ADGRL2: variants seen among roughly 807,000 people sequenced by gnomAD.
The protein encoded by ADGRL2 is adhesion G protein-coupled receptor L2, also known as calcium-independent alpha-latrotoxin receptor 2.
A neutral mutation model predicts 157.4 loss-of-function variants in ADGRL2; 44 were observed. The ratio of observed to expected loss-of-function variants is 0.28; its 90% confidence interval spans 0.22 to 0.36. The LOEUF is 0.36. Ranked by LOEUF, ADGRL2 falls within the 10% of genes least tolerant of loss-of-function variation. The probability of loss-of-function intolerance (pLI) is 1.00; values close to 1 mark genes in which losing one functional copy is unlikely to be tolerated. For missense variants in ADGRL2, 1,510 were observed against 1,768.9 expected (o/e 0.85, Z 2.63); for synonymous variants, 585 against 624.7 (o/e 0.94, Z 0.95).
chr1:81,941,285 C>G (rs944815467), intron 4 of ADGRL2, among the ~76,000 whole-genome samples: 2 of 151,254 alleles, frequency 1.3e-5, no homozygotes, highest in South Asian at 4.1e-4. Flanking sequence ...AGTAAATATA[C>G]TAATTCTTAG....
At chr1:81,892,043 C>T (rs890720190) in intron 2 of ADGRL2, among the ~76,000 whole-genome samples, 1 of 151,176 alleles carries the variant, frequency 6.6e-6, no homozygotes, top group Non-Finnish European at 1.5e-5. Flanking sequence ...ATTTCAGTTT[C>T]TATTAGAGTA....
chr1:81,802,411 C>G (rs1571295615), intron 1 of ADGRL2, among the ~76,000 whole-genome samples: 2 of 152,114 alleles, frequency 1.3e-5, no homozygotes, highest in Middle Eastern at 3.4e-3. Flanking sequence ...CTCGCTCCCT[C>G]CCCCCAATCT....
chr1:81,316,704 G>T (rs1178085680), intron 1 of ADGRL2, among the ~76,000 whole-genome samples: 2 of 152,152 alleles, frequency 1.3e-5, no homozygotes, highest in Non-Finnish European at 2.9e-5. Context: ...ACAAGATATA[G>T]AAATGAAAGC....
At chr1:81,326,694 A>G (rs1445194558) in intron 1 of ADGRL2, among the ~76,000 whole-genome samples, 3 of 152,206 alleles carry the variant, frequency 2.0e-5, no homozygotes, top group Non-Finnish European at 4.4e-5. Flanking sequence ...GAAGTGACTC[A>G]GGGCTGTTAT....
chr1:81,497,506 A>G (rs915243526), intron 2 of ADGRL2, among the ~76,000 whole-genome samples: 8 of 152,216 alleles, frequency 5.3e-5, no homozygotes, highest in African/African-American at 1.9e-4. Context: ...CTTATAGAAC[A>G]AAAATGCTTT....
At position 81,469,695 on chromosome 1, in the gene ADGRL2, A is replaced by G. The variant is rs115330547; in HGVS notation, c.-248+24606A>G. Reference sequence around the variant, plus strand: ...ATCCAAGAGCTAAGTTAAGACCCTTAGTGATTTTTTATCTCATTATAGTGG... The same window carrying G: ...ATCCAAGAGCTAAGTTAAGACCCTTGGTGATTTTTTATCTCATTATAGTGG... On this transcript the variant is annotated intron_variant, in intron 2 of 24. Coordinates refer to the ADGRL2 transcript ENST00000370721. Among the ~76,000 whole-genome samples the G allele has an allele frequency of 8.7e-3, 1,331 of 152,256 alleles. 17 individuals are homozygous for G. Among genetic ancestry groups the G allele is most frequent in the African/African-American group, 0.031 (1,273 of 41,536 alleles).
chr1:81,584,555 G>C (rs2080984698), intron 3 of ADGRL2, among the ~76,000 whole-genome samples: 1 of 152,134 alleles, frequency 6.6e-6, no homozygotes, highest in South Asian at 2.1e-4. Context: ...TTTGTAAGAT[G>C]TAACAGAATG....
At chr1:81,594,935 T>A (rs1047260732) in intron 3 of ADGRL2, among the ~76,000 whole-genome samples, 15 of 152,256 alleles carry the variant, frequency 9.9e-5, no homozygotes, top group Non-Finnish European at 1.6e-4. Flanking sequence ...ACACATTTAA[T>A]ATAAACACAC....
intron 1 of ADGRL2, among the ~76,000 whole-genome samples, chr1:81,439,992 A>T (rs1012302957): frequency 6.6e-6 from 1 of 152,242 alleles, no homozygotes; most frequent in Non-Finnish European, 1.5e-5. Context: ...CTACCAACTG[A>T]GTCTGTGGTC....
At chr1:81,804,825 G>GT (rs1479764829) in intron 1 of ADGRL2, among the ~76,000 whole-genome samples, 1 of 152,118 alleles carries the variant, frequency 6.6e-6, no homozygotes, top group Non-Finnish European at 1.5e-5. Context: ...CACTTAATTA[G>GT]TTTTTAATTA....
At chr1:81,731,804 T>C (rs2084732745) in intron 1 of ADGRL2, among the ~76,000 whole-genome samples, 1 of 152,174 alleles carries the variant, frequency 6.6e-6, no homozygotes, top group Non-Finnish European at 1.5e-5. Context: ...AATTCATTAA[T>C]TTACCCATTA....
In ADGRL2 at chr1:81,990,968, G is replaced by T. The variant is rs368321332; in HGVS notation, c.4233G>T (p.Glu1411Asp). 4 of 1,613,960 alleles carry T rather than the reference G, an allele frequency of 2.5e-6. No homozygotes were observed. The highest frequency in any genetic ancestry group is 1.1e-5 in the South Asian group (1 of 91,094). ...ACCTCTCTCCCTCCAGGAGGAGTGA[G>T]AATGAGGACATTTACTATAAAAGCA... ...EEDLSPSRRSENEDIYYKSMP... is the reference protein window; with the variant it reads ...EEDLSPSRRSDNEDIYYKSMP... Residue 1411 changes from glutamate to aspartate, a missense_variant, in exon 24 of 24, where the codon GAG becomes GAT. Transcript: ENST00000686636.
chr1:81,733,475 G>T (rs1479570229), intron 1 of ADGRL2, among the ~76,000 whole-genome samples: 2 of 152,164 alleles, frequency 1.3e-5, no homozygotes, highest in African/African-American at 4.8e-5. Flanking sequence ...CCATGTGCAA[G>T]TACCTCAGGT....
At chr1:81,899,688 T>A (rs1422824283) in intron 2 of ADGRL2, among the ~76,000 whole-genome samples, 1 of 152,186 alleles carries the variant, frequency 6.6e-6, no homozygotes, top group African/African-American at 2.4e-5. Flanking sequence ...ATGGATTAGA[T>A]TACATTTTGC....
Position 81,985,285 on chromosome 1 carries a change from T to C in ADGRL2, c.3438T>C (p.Asp1146=). Residue 1146 remains aspartate (D), a synonymous_variant, in exon 21 of 24, where the codon GAT becomes GAC. Transcript: ENST00000686636. ...TQSRIRRMWN[D]TVRKQSESSF... is the part of the protein sequence containing the mutation. ...GTCGTATAAGAAGAATGTGGAATGA[T>C]ACTGTGAGAAAACAATCAGAATCTT... The C allele has an allele frequency of 4.4e-6, 7 of 1,602,078 alleles. No individual in the cohort carries two copies. The highest frequency in any genetic ancestry group is 1.7e-4 in the Middle Eastern group (1 of 6,018).
chr1:81,943,019 T>C lies in ADGRL2; in HGVS notation c.460T>C (p.Tyr154His), dbSNP rs1648623380. 2 of 1,613,286 alleles carry C rather than the reference T, an allele frequency of 1.2e-6. No individual in the cohort carries two copies. The highest frequency in any genetic ancestry group is 1.7e-4 in the Middle Eastern group (1 of 6,058). Residue 154 changes from tyrosine to histidine, a missense_variant, in exon 6 of 24, where the codon TAT becomes CAT. Coordinates refer to ENST00000686636, the MANE Select transcript of ADGRL2 (RefSeq NM_001366006.2). This position sits in a 1 kb window ranked among gnomAD's most constrained non-coding sequence, Gnocchi z 5.6. ...LKAIVDSPCI[Y>H]EAEQKAGAWC... ...AGCAATTGTGGACTCACCATGTATA[T>C]ATGAAGCTGAACAAAAGGCGGGTGC...
chr1:81,377,008 C>T (rs1024921591), intron 1 of ADGRL2, among the ~76,000 whole-genome samples: 8 of 152,156 alleles, frequency 5.3e-5, no homozygotes, highest in African/African-American at 1.2e-4. Context: ...AGCCAAAAAG[C>T]GAGACACCAT....
intron 1 of ADGRL2, among the ~76,000 whole-genome samples, chr1:81,444,428 AT>A (rs1344258455): frequency 6.6e-6 from 1 of 152,144 alleles, no homozygotes; most frequent in Admixed American, 6.5e-5. Context: ...TTGAGTTGAT[AT>A]TAACTCTATA....
intron 2 of ADGRL2, among the ~76,000 whole-genome samples, chr1:81,494,596 G>A (rs2078695352): frequency 1.3e-5 from 2 of 152,050 alleles, no homozygotes; most frequent in African/African-American, 4.8e-5. Context: ...CAGCACTTTG[G>A]TGCCAAAGTG....
Sources: allele counts gnomAD v4.1 joint callset (sites outside exome capture counted in the v4.1 genomes callset), GRCh38; gene constraint gnomAD v4.1.1; non-coding constraint Gnocchi (gnomAD v3.1); transcripts MANE v1.5; gene names NCBI Gene and HGNC (gene_info 2026-07-23, HGNC 2026-07-21).